The following WIPF2 variants were observed in gnomAD, a reference collection of about 807,000 sequenced individuals.
WIPF2 encodes the protein WAS/WASL interacting protein family member 2.
WIPF2 carries 23 observed loss-of-function variants against 38.8 expected under a neutral mutation model. The observed-to-expected ratio is 0.59, with a 90% CI of 0.43 to 0.84. The LOEUF (loss-of-function observed/expected upper bound fraction) is 0.84, where lower values mean the gene tolerates loss of function less well. Among genes scored for constraint, WIPF2 ranks in the 40% least tolerant of loss-of-function variants. The pLI, the probability that WIPF2 is intolerant of heterozygous loss-of-function variation, is 0.00. For missense variants in WIPF2, 574 were observed against 580.5 expected (o/e 0.99, Z 0.11); for synonymous variants, 210 against 223.2 (o/e 0.94, Z 0.53).
At chr17:40,269,552 T>A in intron 5 of WIPF2, among the ~76,000 whole-genome samples, 1 of 149,568 alleles carries the variant, frequency 6.7e-6, no homozygotes, top group African/African-American at 2.5e-5. Context: ...CATTATTGGT[T>A]CATAGAGTTT....
chr17:40,242,999 T>C (rs1398147866), intron 1 of WIPF2, among the ~76,000 whole-genome samples: 1 of 152,216 alleles, frequency 6.6e-6, no homozygotes, highest in African/African-American at 2.4e-5. Context: ...TAGTTATTCC[T>C]AGTCTGTCTT....
intron 1 of WIPF2, among the ~76,000 whole-genome samples, chr17:40,230,650 G>T (rs2030701604): frequency 6.6e-6 from 1 of 152,120 alleles, no homozygotes; most frequent in Admixed American, 6.6e-5. Context: ...TTTAGATTAT[G>T]GGGGATGATG....
intron 1 of WIPF2, among the ~76,000 whole-genome samples, chr17:40,255,428 C>A (rs1025263942): frequency 6.6e-6 from 1 of 151,916 alleles, no homozygotes; most frequent in Middle Eastern, 3.4e-3. Flanking sequence ...CAGGTTCAAG[C>A]GATTCTCCTG....
chr17:40,250,974 C>T (rs1274103456), intron 1 of WIPF2, among the ~76,000 whole-genome samples: 1 of 136,530 alleles, frequency 7.3e-6, no homozygotes, highest in Non-Finnish European at 1.5e-5. Flanking sequence ...AGTGCAGTGG[C>T]GCAATCTCGG....
At chr17:40,220,595 AT>A (rs2030161889) in intron 1 of WIPF2, 1 of 77,076 alleles carries the variant, frequency 1.3e-5, no homozygotes, top group Non-Finnish European at 2.4e-5. Context: ...ATATATATAT[AT>A]ATATATATAT....
At chr17:40,267,124 G>A (rs868735167) in intron 5 of WIPF2, among the ~76,000 whole-genome samples, 1 of 152,122 alleles carries the variant, frequency 6.6e-6, no homozygotes, top group Non-Finnish European at 1.5e-5. Context: ...AGGCAACCAC[G>A]CGAAGGGCCC....
intron 1 of WIPF2, among the ~76,000 whole-genome samples, chr17:40,255,039 T>C (rs1210039275): frequency 1.3e-5 from 2 of 152,044 alleles, no homozygotes; most frequent in African/African-American, 4.8e-5. Context: ...CGGCCTGATT[T>C]TTACATTTTT....
chr17:40,276,421 TGGG>T (rs2032400882), intron 6 of WIPF2, among the ~76,000 whole-genome samples: 1 of 130,234 alleles, frequency 7.7e-6, no homozygotes, highest in Non-Finnish European at 1.6e-5. Context: ...TCAGGGACGC[TGGG>T]GCAGGAGAAT....
At chr17:40,227,309 G>A (rs996898249) in intron 1 of WIPF2, among the ~76,000 whole-genome samples, 3 of 152,096 alleles carry the variant, frequency 2.0e-5, no homozygotes, top group Non-Finnish European at 4.4e-5. Context: ...AAAGTGCTGG[G>A]ATTACAGGTG....
At chr17:40,254,559 G>A (rs1197917937) in intron 1 of WIPF2, among the ~76,000 whole-genome samples, 3 of 152,044 alleles carry the variant, frequency 2.0e-5, no homozygotes, top group Non-Finnish European at 2.9e-5. Context: ...AGGATTACTT[G>A]CAGACTATAA....
intron 6 of WIPF2, among the ~76,000 whole-genome samples, chr17:40,274,249 T>C (rs1470424441): frequency 6.6e-6 from 1 of 152,188 alleles, no homozygotes; most frequent in Non-Finnish European, 1.5e-5. Context: ...GTGCTAACTC[T>C]AAATCCACTC....
At position 40,281,626 on chromosome 17, in the gene WIPF2, C is replaced by T; in HGVS notation, c.*3401C>T. ...ACTGGGGAACTCCCTCACCCCATGG[C>T]TTCCCAACTTGAAACCCAGATTTAC... On this transcript the variant is annotated 3_prime_UTR_variant, in exon 8 of 8. Transcript: ENST00000323571. 1 of 152,604 alleles carries T rather than the reference C, an allele frequency of 6.6e-6. No individual in the cohort carries two copies. Among genetic ancestry groups the T allele is most frequent in the Non-Finnish European group, 1.5e-5 (1 of 68,058 alleles). The allele number at this position is 152,604 out of a possible 1,614,324, so 9.5% of individuals were successfully genotyped here.
chr17:40,260,941 C>G, intron 3 of WIPF2: 1 of 434,572 alleles, frequency 2.3e-6, no homozygotes, highest in South Asian at 2.1e-5. Context: ...TTGCATGAGC[C>G]TAGAAGTTCA....
chr17:40,227,205 T>C (rs1370634049), intron 1 of WIPF2, among the ~76,000 whole-genome samples: 1 of 151,690 alleles, frequency 6.6e-6, no homozygotes, highest in Non-Finnish European at 1.5e-5. Flanking sequence ...CACGTCCAGC[T>C]AATTTTTGTA....
chr17:40,244,265 G>A (rs2031285609), intron 1 of WIPF2, among the ~76,000 whole-genome samples: 1 of 152,098 alleles, frequency 6.6e-6, no homozygotes, highest in Non-Finnish European at 1.5e-5. Context: ...TGTGATTATA[G>A]GAACCTGTTT....
chr17:40,238,687 A>G (rs561774978), intron 1 of WIPF2, among the ~76,000 whole-genome samples: 1 of 151,656 alleles, frequency 6.6e-6, no homozygotes, highest in East Asian at 1.9e-4. Flanking sequence ...ATCTCGGCTC[A>G]CTGCAAACCT....
At chr17:40,246,233 C>T (rs1056683658) in intron 1 of WIPF2, among the ~76,000 whole-genome samples, 18 of 150,848 alleles carry the variant, frequency 1.2e-4, no homozygotes, top group Admixed American at 6.0e-4. Context: ...ATTACAGGCG[C>T]GCACCACCAC....
chr17:40,234,452 CAAAA>C (rs768983330), intron 1 of WIPF2, among the ~76,000 whole-genome samples: 2 of 150,600 alleles, frequency 1.3e-5, no homozygotes, highest in African/African-American at 2.4e-5. Flanking sequence ...AACAAACAAA[CAAAA>C]AAAACAACCG....
In WIPF2 at chr17:40,278,228, C is replaced by G. The variant is rs1240697372; in HGVS notation, c.*3C>G. The stretch of plus-strand genomic sequence containing the variant: ...CTCTGCCACCCATTCTCAGGTGAAG[C>G]CTGGCTTGGTCCCGTTCCTCAGGAA... On this transcript the variant is annotated 3_prime_UTR_variant, in exon 8 of 8. Transcript: ENST00000323571. 8 of 1,613,590 alleles carry G rather than the reference C, an allele frequency of 5.0e-6. No individual in the cohort carries two copies. The highest frequency in any genetic ancestry group is 1.1e-5 in the South Asian group (1 of 90,966).
Sources: allele counts gnomAD v4.1 joint callset (sites outside exome capture counted in the v4.1 genomes callset), GRCh38; gene constraint gnomAD v4.1.1; transcripts MANE v1.5; gene names NCBI Gene and HGNC (gene_info 2026-07-23, HGNC 2026-07-21).